XKR9: variants seen among roughly 807,000 people sequenced by gnomAD.
The protein encoded by XKR9 is XK-related protein 9.
In XKR9, 32 loss-of-function variants were observed where a neutral mutation model predicts 32.0. The observed-to-expected ratio is 1.00, with a 90% confidence interval of 0.76 to 1.34. The LOEUF is 1.34. Ranked by LOEUF, XKR9 falls within the 40% of genes most tolerant of loss-of-function variation. The probability of loss-of-function intolerance (pLI) is 0.00; values close to 1 mark genes in which losing one functional copy is unlikely to be tolerated. For synonymous variants in XKR9, 168 were observed against 143.4 expected (o/e 1.17, Z -1.22); for missense variants, 546 against 429.7 (o/e 1.27, Z -2.39).
chr8:70,774,665 C>T (rs1563476492), intron 2 of XKR9, among the ~76,000 whole-genome samples: 1 of 152,178 alleles, frequency 6.6e-6, no homozygotes, highest in Non-Finnish European at 1.5e-5. Flanking sequence ...AAAAGACTGT[C>T]CTCTCCCCAT....
the XKR9 span, among the ~76,000 whole-genome samples, chr8:70,977,090 C>T: frequency 2.0e-5 from 3 of 152,164 alleles, no homozygotes; most frequent in South Asian, 2.1e-4. Flanking sequence ...TTTATTACAT[C>T]GATTTGATTC....
At chr8:70,832,295 C>T in the XKR9 span, among the ~76,000 whole-genome samples, 2 of 152,016 alleles carry the variant, frequency 1.3e-5, no homozygotes, top group South Asian at 2.1e-4. Flanking sequence ...TGGGCATTCA[C>T]GGGGTAGGGA....
the XKR9 span, among the ~76,000 whole-genome samples, chr8:70,971,518 G>T: frequency 6.6e-6 from 1 of 151,948 alleles, no homozygotes; most frequent in Non-Finnish European, 1.5e-5. Context: ...TTGGGTTCTT[G>T]GTCATGAAAT....
At chr8:70,901,343 T>TTG in the XKR9 span, among the ~76,000 whole-genome samples, 3 of 152,314 alleles carry the variant, frequency 2.0e-5, no homozygotes, top group South Asian at 6.2e-4. Context: ...TTTTTAATGA[T>TTG]CAGCATTCTA....
At chr8:70,770,269 G>A (rs941683878) in intron 2 of XKR9, among the ~76,000 whole-genome samples, 3 of 152,168 alleles carry the variant, frequency 2.0e-5, no homozygotes, top group Non-Finnish European at 4.4e-5. Context: ...ATCACCAGTG[G>A]AGGCTGCAGA....
chr8:70,702,609 G>A lies in XKR9; in HGVS notation c.273-4324G>A, dbSNP rs534068388. Among the ~76,000 whole-genome samples the A allele has an allele frequency of 2.0e-5, 3 of 152,060 alleles. No homozygotes were observed. In the South Asian group the frequency reaches 6.2e-4, roughly 32 times the overall value. On this transcript the variant is annotated intron_variant, in intron 3 of 4. Transcript: ENST00000408926. Reference sequence around the variant, plus strand: ...TTTGTGTACCTTAAAGCTCCATTAGGTGCATACAGATTTTAAAATATTATG... The same window carrying A: ...TTTGTGTACCTTAAAGCTCCATTAGATGCATACAGATTTTAAAATATTATG...
the XKR9 span, among the ~76,000 whole-genome samples, chr8:70,891,172 C>G: frequency 1.1e-4 from 17 of 151,354 alleles, no homozygotes; most frequent in African/African-American, 3.9e-4. Flanking sequence ...TTTATTCAGG[C>G]CTTTTGTCTT....
intron 2 of XKR9, among the ~76,000 whole-genome samples, chr8:70,788,865 T>G (rs1331753113): frequency 6.6e-6 from 1 of 152,056 alleles, no homozygotes. Context: ...GAGAGTGTGT[T>G]GGGGCTATAC....
At position 70,716,431 on chromosome 8, in the gene XKR9, G is replaced by A. The variant is rs192625701; in HGVS notation, c.493+9278G>A. Among the ~76,000 whole-genome samples the A allele has an allele frequency of 5.6e-4, 74 of 131,466 alleles. 1 individual carries two copies. Among genetic ancestry groups the A allele is most frequent in the African/African-American group, 1.6e-3 (61 of 39,268 alleles). 86.2% of individuals were successfully genotyped at this position (131,466 alleles called of 152,430 possible). ...ATTGACTCACATTCTGCAGGGCTGC[G>A]GTGGGGGGCCTTAGAAAACTTACTA... On this transcript the variant is annotated intron_variant, in intron 4 of 4. Transcript: ENST00000408926.
chr8:70,953,202 G>T, the XKR9 span, among the ~76,000 whole-genome samples: 2 of 152,222 alleles, frequency 1.3e-5, no homozygotes, highest in East Asian at 3.8e-4. Flanking sequence ...GGAGAACAAT[G>T]ATTATAGCAG....
At chr8:70,955,918 G>A in the XKR9 span, among the ~76,000 whole-genome samples, 25 of 152,304 alleles carry the variant, frequency 1.6e-4, no homozygotes, top group Middle Eastern at 3.4e-3. Flanking sequence ...AGCCACTTCC[G>A]CAGTGGGTAC....
chr8:70,902,517 T>C, the XKR9 span, among the ~76,000 whole-genome samples: 1 of 152,240 alleles, frequency 6.6e-6, no homozygotes, highest in South Asian at 2.1e-4. Context: ...TCCTGAGACT[T>C]TGCTGAAGTT....
intron 3 of XKR9, among the ~76,000 whole-genome samples, chr8:70,695,307 C>T (rs2132142790): frequency 7.3e-6 from 1 of 136,326 alleles, no homozygotes; most frequent in African/African-American, 2.7e-5. Flanking sequence ...AGGTATATCT[C>T]CTAATGCTAT....
the XKR9 span, among the ~76,000 whole-genome samples, chr8:70,867,397 C>T: frequency 0.022 from 3,330 of 152,230 alleles, 133 homozygotes; most frequent in African/African-American, 0.076. Flanking sequence ...AATCTCATGG[C>T]CACACATTTC....
intron 3 of XKR9, among the ~76,000 whole-genome samples, chr8:70,693,084 C>G (rs985606508): frequency 6.6e-6 from 1 of 151,010 alleles, no homozygotes; most frequent in African/African-American, 2.4e-5. Flanking sequence ...GGGGCGAAAC[C>G]TACTTGATCA....
intron 4 of XKR9, among the ~76,000 whole-genome samples, chr8:70,713,317 T>C (rs1479168683): frequency 6.6e-6 from 1 of 151,998 alleles, no homozygotes; most frequent in African/African-American, 2.4e-5. Flanking sequence ...CTAATATACA[T>C]CTGAACAGAG....
chr8:70,729,197 T>C (rs1806578570), intron 4 of XKR9, among the ~76,000 whole-genome samples: 1 of 152,234 alleles, frequency 6.6e-6, no homozygotes, highest in Non-Finnish European at 1.5e-5. Context: ...ATGGCACTTA[T>C]GCAAATAACT....
the XKR9 span, among the ~76,000 whole-genome samples, chr8:70,886,493 T>C: frequency 3.3e-5 from 5 of 152,236 alleles, no homozygotes; most frequent in African/African-American, 1.2e-4. Flanking sequence ...TGAACTAATG[T>C]ACACTCCTAC....
the XKR9 span, among the ~76,000 whole-genome samples, chr8:70,955,526 G>A: frequency 6.6e-6 from 1 of 152,188 alleles, no homozygotes; most frequent in Non-Finnish European, 1.5e-5. Context: ...GAGTTAATTT[G>A]TAGACTCAGT....
Sources: gnomAD v4.1 joint callset for allele counts (sites outside exome capture counted in the v4.1 genomes callset) on GRCh38, gnomAD v4.1.1 for gene constraint, MANE v1.5 for transcripts, NCBI Gene and HGNC (gene_info 2026-07-23, HGNC 2026-07-21) for gene names.